Variants in DIAPH2 observed in about 807,000 individuals in gnomAD.
DIAPH2 encodes diaphanous related formin 2.
In DIAPH2, 35 loss-of-function variants were observed where a neutral mutation model predicts 92.7. The ratio of observed to expected loss-of-function variants is 0.38; its 90% confidence interval spans 0.29 to 0.50. The LOEUF (loss-of-function observed/expected upper bound fraction) is 0.50, where lower values mean the gene tolerates loss of function less well. Among genes scored for constraint, DIAPH2 ranks in the 20% least tolerant of loss-of-function variants. DIAPH2 has a pLI of 0.94. For synonymous variants in DIAPH2, 301 were observed against 280.4 expected, an observed-to-expected ratio of 1.07 and a Z score of -0.73; for missense variants, 701 against 819.5, an observed-to-expected ratio of 0.86 and a Z score of 1.77.
chrX:96,753,438 A>G (rs989086700), intron 3 of DIAPH2, among the ~76,000 whole-genome samples: 7 of 111,749 alleles, frequency 6.3e-5, no homozygotes, highest in African/African-American at 2.3e-4. Flanking sequence ...GTTAAACCAC[A>G]GAGTATTTGA....
chrX:97,484,377 T>C (rs1224908506), intron 26 of DIAPH2, among the ~76,000 whole-genome samples: 4 of 112,113 alleles, frequency 3.6e-5, no homozygotes, highest in South Asian at 3.7e-4. Context: ...GCCTACCTAA[T>C]AGGGTTATTC....
At chrX:96,790,454 C>T (rs993237716) in intron 4 of DIAPH2, among the ~76,000 whole-genome samples, 10 of 111,668 alleles carry the variant, frequency 9.0e-5, no homozygotes, top group African/African-American at 3.3e-4. Context: ...TTGATTACTG[C>T]TTCATGTGTT....
At chrX:97,275,762 C>T (rs1347543453) in intron 23 of DIAPH2, among the ~76,000 whole-genome samples, 4 of 110,263 alleles carry the variant, frequency 3.6e-5, no homozygotes, top group East Asian at 2.9e-4. Context: ...GACGGGATGG[C>T]GGCCGGGAAG....
chrX:97,209,864 G>A (rs1056482380), intron 22 of DIAPH2, among the ~76,000 whole-genome samples: 1 of 109,906 alleles, frequency 9.1e-6, no homozygotes, highest in African/African-American at 3.3e-5. Context: ...TGATTTTAAC[G>A]GAAATCACTT....
intron 22 of DIAPH2, among the ~76,000 whole-genome samples, chrX:97,180,987 G>A (rs1271887496): frequency 1.8e-5 from 2 of 111,381 alleles, no homozygotes; most frequent in Non-Finnish European, 3.8e-5. Context: ...TAGCTATATG[G>A]GCTCTTTTTT....
At chrX:96,809,966 C>T (rs1367256734) in intron 4 of DIAPH2, among the ~76,000 whole-genome samples, 1 of 112,065 alleles carries the variant, frequency 8.9e-6, no homozygotes, top group Non-Finnish European at 1.9e-5. Flanking sequence ...TGAATAGTGC[C>T]ACAATAAACA....
chrX:97,219,933 G>A (rs914153149), intron 22 of DIAPH2, among the ~76,000 whole-genome samples: 9 of 112,019 alleles, frequency 8.0e-5, no homozygotes, highest in African/African-American at 2.9e-4. Flanking sequence ...GCAAGGACAA[G>A]TTAAAACTGA....
intron 1 of DIAPH2, among the ~76,000 whole-genome samples, chrX:96,703,037 C>T (rs1046048266): frequency 8.1e-5 from 9 of 111,602 alleles, no homozygotes; most frequent in Non-Finnish European, 1.3e-4. Context: ...TCCATGACAA[C>T]GCATAACTGC....
chrX:97,363,719 T>C (rs1469167928), intron 24 of DIAPH2, among the ~76,000 whole-genome samples: 1 of 101,378 alleles, frequency 9.9e-6, no homozygotes, highest in Non-Finnish European at 2.0e-5. Context: ...TCAGTCTCAG[T>C]CACTACTTCT....
At chrX:97,383,178 A>G (rs1307614994) in intron 24 of DIAPH2, among the ~76,000 whole-genome samples, 1 of 112,117 alleles carries the variant, frequency 8.9e-6, no homozygotes, top group Non-Finnish European at 1.9e-5. Context: ...AGCTTGAAAT[A>G]TGTTTCAGCA....
At chrX:96,945,204 C>T (rs746035821) in intron 13 of DIAPH2, among the ~76,000 whole-genome samples, 12 of 110,725 alleles carry the variant, frequency 1.1e-4, no homozygotes, top group Non-Finnish European at 2.3e-4. Flanking sequence ...GGAGTCTTTG[C>T]CACCTCTCCA....
chrX:97,188,346 G>T (rs1178456731), intron 22 of DIAPH2, among the ~76,000 whole-genome samples: 1 of 111,259 alleles, frequency 9.0e-6, no homozygotes, highest in East Asian at 2.8e-4. Context: ...TAGTTATGGA[G>T]ATATTTCATA....
chrX:96,776,699 T>C (rs1180125241), intron 4 of DIAPH2, among the ~76,000 whole-genome samples: 1 of 110,323 alleles, frequency 9.1e-6, no homozygotes, highest in Middle Eastern at 4.4e-3. Context: ...AGAATTTGAC[T>C]TTTTTTCCTC....
intron 17 of DIAPH2, among the ~76,000 whole-genome samples, chrX:96,973,415 G>A (rs142256558): frequency 1.6e-3 from 173 of 111,246 alleles, no homozygotes; most frequent in Non-Finnish European, 2.9e-3. Context: ...GGAGGGTCAC[G>A]TGAACCTGGG....
At position 96,937,218 on chromosome X, in the gene DIAPH2, A is replaced by G; in HGVS notation, c.1090-15A>G. Reference sequence around the variant, plus strand: ...AACTGTTATTCATGTGTTAAATTTTATGTTTATATATTAGGATCTAAAAGA... The same window carrying G: ...AACTGTTATTCATGTGTTAAATTTTGTGTTTATATATTAGGATCTAAAAGA... On this transcript the variant is annotated splice_polypyrimidine_tract_variant and intron_variant, in intron 10 of 26. Transcript: ENST00000324765. 2.1e-6 allele frequency: 2 copies of G among 965,704 alleles called. No homozygotes were observed. The allele number at this position is 965,704 out of a possible 1,213,427, so 79.6% of individuals were successfully genotyped here.
At chrX:97,007,688 T>C (rs975641974) in intron 17 of DIAPH2, among the ~76,000 whole-genome samples, 14 of 110,310 alleles carry the variant, frequency 1.3e-4, no homozygotes, top group Admixed American at 3.9e-4. Flanking sequence ...TCTTGTATAT[T>C]GGTATCTTTC....
chrX:96,939,258 C>T lies in DIAPH2; in HGVS notation c.1209-8C>T. 1.1e-6 allele frequency: 1 copy of T among 876,510 alleles called. No individual in the cohort carries two copies. The highest frequency in any genetic ancestry group is 1.6e-6 in the Non-Finnish European group (1 of 608,728). 72.2% of individuals were successfully genotyped at this position (876,510 alleles called of 1,213,427 possible). On this transcript the variant is annotated splice_region_variant and splice_polypyrimidine_tract_variant and intron_variant, in intron 11 of 26. Transcript: ENST00000324765. ...AAGGATCTTTAATATTTTTCCTTTACTTTCTACTGATATGAATGAAGTCTA... is the reference window on the plus strand; with the variant it reads ...AAGGATCTTTAATATTTTTCCTTTATTTTCTACTGATATGAATGAAGTCTA...
intron 23 of DIAPH2, among the ~76,000 whole-genome samples, chrX:97,276,330 T>G (rs2068451782): frequency 8.9e-6 from 1 of 111,754 alleles, no homozygotes; most frequent in African/African-American, 3.3e-5. Flanking sequence ...AAATAACTTT[T>G]TTTTAATTTT....
At chrX:96,956,002 G>A (rs1289291649) in intron 15 of DIAPH2, among the ~76,000 whole-genome samples, 1 of 112,561 alleles carries the variant, frequency 8.9e-6, no homozygotes, top group Non-Finnish European at 1.9e-5. Context: ...GACTCTGTGT[G>A]GGGGCTCCAA....
Sources: gnomAD v4.1 joint callset for allele counts (sites outside exome capture counted in the v4.1 genomes callset) on GRCh38, gnomAD v4.1.1 for gene constraint, MANE v1.5 for transcripts, NCBI Gene and HGNC (gene_info 2026-07-23, HGNC 2026-07-21) for gene names.